Variants in DPP6 observed in about 807,000 individuals in gnomAD.
The protein encoded by DPP6 is dipeptidyl peptidase like 6.
A neutral mutation model predicts 122.6 loss-of-function variants in DPP6; 69 were observed. That is an observed-to-expected ratio of 0.56 (90% CI 0.46 to 0.69). The LOEUF is 0.69. Among genes scored for constraint, DPP6 ranks in the 30% least tolerant of loss-of-function variants. The pLI is 0.00. For synonymous variants in DPP6, 418 were observed against 433.1 expected, an observed-to-expected ratio of 0.97 and a Z score of 0.43; for missense variants, 928 against 1,116.9, an observed-to-expected ratio of 0.83 and a Z score of 2.41.
chr7:154,438,988 G>A (rs1044926064), intron 1 of DPP6, among the ~76,000 whole-genome samples: 2 of 152,158 alleles, frequency 1.3e-5, no homozygotes, highest in African/African-American at 4.8e-5. Flanking sequence ...TTCTGACTGG[G>A]ATGCTCTTCA....
intron 1 of DPP6, among the ~76,000 whole-genome samples, chr7:153,937,727 A>G (rs1449381724): frequency 1.3e-5 from 2 of 152,166 alleles, no homozygotes; most frequent in East Asian, 3.9e-4. Context: ...AATTACAGGC[A>G]TGAGCCACTG....
intron 1 of DPP6, among the ~76,000 whole-genome samples, chr7:154,127,625 A>T (rs1807999992): frequency 9.2e-6 from 1 of 108,932 alleles, no homozygotes; most frequent in Non-Finnish European, 1.8e-5. Context: ...ACACACACAC[A>T]CACACACAGA....
chr7:154,854,710 G>A (rs1802683260), intron 17 of DPP6, among the ~76,000 whole-genome samples: 2 of 152,154 alleles, frequency 1.3e-5, no homozygotes, highest in African/African-American at 4.8e-5. Flanking sequence ...ACTAGAGGTG[G>A]CATGTGTTTG....
At chr7:154,799,146 G>A (rs903666422) in intron 12 of DPP6, among the ~76,000 whole-genome samples, 1 of 152,166 alleles carries the variant, frequency 6.6e-6, no homozygotes, top group Non-Finnish European at 1.5e-5. Flanking sequence ...CCAAGGACCC[G>A]GTGCAAGAAC....
chr7:154,640,720 A>C (rs1400901589), intron 6 of DPP6, among the ~76,000 whole-genome samples: 1 of 152,180 alleles, frequency 6.6e-6, no homozygotes, highest in Non-Finnish European at 1.5e-5. Flanking sequence ...CTGAGGATCT[A>C]GGTGGGTTTT....
chr7:154,199,833 C>G (rs1177053758), intron 1 of DPP6, among the ~76,000 whole-genome samples: 1 of 152,160 alleles, frequency 6.6e-6, no homozygotes, highest in Non-Finnish European at 1.5e-5. Flanking sequence ...GTGTCTAACT[C>G]CTGACCTCAA....
At chr7:154,561,705 C>CTGT in intron 4 of DPP6, among the ~76,000 whole-genome samples, 2 of 152,084 alleles carry the variant, frequency 1.3e-5, no homozygotes, top group Middle Eastern at 6.8e-3. Flanking sequence ...CAGAAATCAA[C>CTGT]TACACAGAAA....
At chr7:154,884,202 CACAT>C (rs1167071656) in intron 21 of DPP6, 1 of 120,988 alleles carries the variant, frequency 8.3e-6, no homozygotes, top group Non-Finnish European at 1.7e-5. Context: ...ATACACCTCC[CACAT>C]ACACGATTAC....
At chr7:154,459,446 C>T (rs936604950) in intron 2 of DPP6, among the ~76,000 whole-genome samples, 3 of 152,132 alleles carry the variant, frequency 2.0e-5, no homozygotes, top group Non-Finnish European at 4.4e-5. Context: ...TTCAGGCTCT[C>T]AATTCAGGTA....
intron 7 of DPP6, among the ~76,000 whole-genome samples, chr7:154,720,158 C>G (rs1233002707): frequency 6.6e-6 from 1 of 152,110 alleles, no homozygotes; most frequent in Non-Finnish European, 1.5e-5. Flanking sequence ...TGGATAGATG[C>G]CAACGAAAAC....
intron 16 of DPP6, among the ~76,000 whole-genome samples, chr7:154,809,294 G>A (rs1798892314): frequency 6.6e-6 from 1 of 152,024 alleles, no homozygotes; most frequent in African/African-American, 2.4e-5. Flanking sequence ...ATGGGGAAGA[G>A]CTTGGGGGGT....
At chr7:154,769,706 T>G in intron 9 of DPP6, 135 bp downstream of exon 9, 1 of 1,225,732 alleles carries the variant, frequency 8.2e-7, no homozygotes, top group Non-Finnish European at 1.1e-6. Flanking sequence ...ACTAATCATG[T>G]CTCATTACAT....
At chr7:153,833,502 C>T in the DPP6 span, among the ~76,000 whole-genome samples, 1 of 152,006 alleles carries the variant, frequency 6.6e-6, no homozygotes, top group African/African-American at 2.4e-5. Context: ...GGCAAAACCC[C>T]GTCTCTACTA....
At chr7:154,324,864 G>GTTTTTTTTTTTT (rs1172014611) in intron 1 of DPP6, among the ~76,000 whole-genome samples, 2 of 59,604 alleles carry the variant, frequency 3.4e-5, no homozygotes, top group African/African-American at 5.0e-5. Context: ...CTTTCCTTTT[G>GTTTTTTTTTTTT]TTATTTTTTT....
At chr7:154,664,649 G>A (rs1046963279) in intron 6 of DPP6, among the ~76,000 whole-genome samples, 2 of 149,080 alleles carry the variant, frequency 1.3e-5, no homozygotes, top group Non-Finnish European at 3.0e-5. Context: ...TGCTCCATAT[G>A]GAATTCTTTT....
intron 3 of DPP6, among the ~76,000 whole-genome samples, chr7:154,480,459 C>T (rs896557676): frequency 3.3e-5 from 5 of 152,206 alleles, no homozygotes; most frequent in African/African-American, 1.2e-4. Context: ...CTGCCAGCAG[C>T]ATTGGACACC....
At chr7:154,867,915 C>A in intron 17 of DPP6, 80 bp from the exon 18 acceptor site, 1 of 1,460,408 alleles carries the variant, frequency 6.8e-7, no homozygotes, top group Non-Finnish European at 9.1e-7. Context: ...AGCAGTTACG[C>A]ACATGAAAAG....
intron 7 of DPP6, among the ~76,000 whole-genome samples, chr7:154,693,254 G>A (rs186808669): frequency 6.6e-6 from 1 of 152,276 alleles, no homozygotes; most frequent in East Asian, 1.9e-4. Context: ...TTCTAACAAG[G>A]GGAAGCAAAC....
At chr7:153,803,375 A>C in the DPP6 span, among the ~76,000 whole-genome samples, 2 of 151,340 alleles carry the variant, frequency 1.3e-5, no homozygotes, top group African/African-American at 4.9e-5. Context: ...GCCTTCCCCA[A>C]TCCATTGGGG....
Sources: gnomAD v4.1 joint callset for allele counts (sites outside exome capture counted in the v4.1 genomes callset) on GRCh38, gnomAD v4.1.1 for gene constraint, MANE v1.5 for transcripts, NCBI Gene and HGNC (gene_info 2026-07-23, HGNC 2026-07-21) for gene names.